SKAP1: variants seen among roughly 807,000 people sequenced by gnomAD.
The protein encoded by SKAP1 is src kinase-associated phosphoprotein 1.
SKAP1 carries 44 observed loss-of-function variants against 58.5 expected under a neutral mutation model. The observed-to-expected ratio is 0.75, with a 90% CI of 0.59 to 0.97. The LOEUF (loss-of-function observed/expected upper bound fraction) is 0.97. SKAP1 is among the 50% of genes least tolerant of loss of function. SKAP1 has a pLI of 0.00. For missense variants in SKAP1, 390 were observed against 435.2 expected (o/e 0.90, Z 0.92); for synonymous variants, 127 against 149.7 (o/e 0.85, Z 1.11).
chr17:48,378,241 AG>A (rs2067175126), intron 2 of SKAP1, among the ~76,000 whole-genome samples: 1 of 152,140 alleles, frequency 6.6e-6, no homozygotes, highest in African/African-American at 2.4e-5. Flanking sequence ...CTGATGAAAA[AG>A]GGAATGGAAT....
At chr17:48,210,457 C>T (rs951813393) in intron 4 of SKAP1, among the ~76,000 whole-genome samples, 37 of 152,262 alleles carry the variant, frequency 2.4e-4, no homozygotes, top group Admixed American at 1.2e-3. Context: ...AGGTCCTTAT[C>T]ATCCTGATGG....
chr17:48,324,310 T>G (rs542457473), intron 4 of SKAP1, among the ~76,000 whole-genome samples: 1 of 152,246 alleles, frequency 6.6e-6, no homozygotes, highest in South Asian at 2.1e-4. Context: ...CTGCATTCCA[T>G]CACATGGATG....
chr17:48,189,957 C>A (rs1466105743), intron 4 of SKAP1, among the ~76,000 whole-genome samples: 2 of 151,986 alleles, frequency 1.3e-5, no homozygotes, highest in Non-Finnish European at 2.9e-5. Context: ...GGATTACAGA[C>A]GTGAGCCACC....
At chr17:48,162,609 A>C (rs2064084620) in intron 10 of SKAP1, 40 bp from the exon 11 acceptor site, 4 of 1,524,432 alleles carry the variant, frequency 2.6e-6, no homozygotes, top group South Asian at 1.2e-5. Context: ...AAAGGACTCT[A>C]TTTTTTCCGA....
At chr17:48,288,801 T>C (rs2065865546) in intron 4 of SKAP1, among the ~76,000 whole-genome samples, 1 of 152,158 alleles carries the variant, frequency 6.6e-6, no homozygotes, top group Non-Finnish European at 1.5e-5. Flanking sequence ...GCAAGAGAAA[T>C]GCTGGGAAAT....
At chr17:48,221,046 A>C (rs1598439260) in intron 4 of SKAP1, among the ~76,000 whole-genome samples, 1 of 152,044 alleles carries the variant, frequency 6.6e-6, no homozygotes, top group Non-Finnish European at 1.5e-5. Flanking sequence ...AGGCAGGCGG[A>C]TAACGAGGTC....
chr17:48,265,927 CTCTTT>C (rs1299625732), intron 4 of SKAP1, among the ~76,000 whole-genome samples: 1 of 152,120 alleles, frequency 6.6e-6, no homozygotes, highest in African/African-American at 2.4e-5. Context: ...TTTTTAAAAC[CTCTTT>C]TCTTTAGTTT....
At chr17:48,155,396 G>C (rs1002781448) in intron 11 of SKAP1, among the ~76,000 whole-genome samples, 6 of 151,568 alleles carry the variant, frequency 4.0e-5, no homozygotes, top group African/African-American at 1.5e-4. Context: ...CCAAAGTGCT[G>C]GGTGAGCCAC....
chr17:48,237,919 A>ATT (rs34392180), intron 4 of SKAP1, among the ~76,000 whole-genome samples: 220 of 145,606 alleles, frequency 1.5e-3, no homozygotes, highest in African/African-American at 4.8e-3. Flanking sequence ...TTTGGTTCAG[A>ATT]TTTTTTTTTT....
Position 48,184,815 on chromosome 17 carries a change from C to T in SKAP1, c.475G>A (p.Gly159Ser), listed in dbSNP as rs774288550. The change falls in exon 7 of 13, where the codon GGC becomes AGC. Residue 159 changes from glycine (G) to serine (S), a missense_variant. Physicochemically the swap from Gly to Ser is moderately conservative, Grantham distance 56. Coordinates refer to ENST00000336915, the MANE Select transcript of SKAP1 (RefSeq NM_003726.4). ...KQPKGTFLIK[G>S]YGVRMAPHLR... ...TGGGGGGCCATCCGTACACCGTAGC[C>T]CTTAATGAGGAAGGTCCCTTTGGGC... The T allele has an allele frequency of 6.2e-7, 1 of 1,613,736 alleles. No individual in the cohort carries two copies.
rs534641313 is a variant in SKAP1, at chr17:48,232,349, A to G, written c.281-42849T>C. Among the ~76,000 whole-genome samples, 8 of 152,354 alleles carry G rather than the reference A, an allele frequency of 5.3e-5. No homozygotes were observed. The East Asian group carries it at 1.5e-3, about 29-fold the overall frequency. On this transcript the variant is annotated intron_variant, in intron 4 of 12. Coordinates refer to ENST00000336915, the MANE Select transcript of SKAP1 (RefSeq NM_003726.4). ...TTGTAACTGCTGATTGATTTCTATG[A>G]GTGCAAAGATACCACCAGGTGGGTA...
chr17:48,298,413 T>C (rs1030751394), intron 4 of SKAP1, among the ~76,000 whole-genome samples: 3 of 152,184 alleles, frequency 2.0e-5, no homozygotes, highest in African/African-American at 7.2e-5. Flanking sequence ...TCTAGAAAAG[T>C]AGATGATTGA....
At chr17:48,424,221 CTT>C (rs71366876) in intron 1 of SKAP1, among the ~76,000 whole-genome samples, 13 of 106,646 alleles carry the variant, frequency 1.2e-4, no homozygotes, top group South Asian at 3.1e-4. Flanking sequence ...TCTGGGACCT[CTT>C]TTTTTTTTTT....
chr17:48,196,794 C>T (rs1243465921), intron 4 of SKAP1: 1 of 152,234 alleles, frequency 6.6e-6, no homozygotes, highest in Admixed American at 6.5e-5. Flanking sequence ...CACTCGGTTA[C>T]TTTTAAATGT....
chr17:48,225,097 T>C (rs1295691383), intron 4 of SKAP1, among the ~76,000 whole-genome samples: 1 of 152,194 alleles, frequency 6.6e-6, no homozygotes, highest in African/African-American at 2.4e-5. Context: ...TAAAGTGAAA[T>C]AGAATTTGTA....
chr17:48,273,631 T>A (rs998350633), intron 4 of SKAP1, among the ~76,000 whole-genome samples: 2 of 152,082 alleles, frequency 1.3e-5, no homozygotes, highest in East Asian at 1.9e-4. Flanking sequence ...TTGACCAGGC[T>A]GTCTCGAACT....
At chr17:48,282,168 T>C (rs1054889261) in intron 4 of SKAP1, among the ~76,000 whole-genome samples, 5 of 152,238 alleles carry the variant, frequency 3.3e-5, no homozygotes, top group Admixed American at 2.6e-4. Context: ...TTCTGTTTCA[T>C]TTTATTAGAT....
At chr17:48,423,992 A>C (rs1208362598) in intron 1 of SKAP1, among the ~76,000 whole-genome samples, 1 of 152,022 alleles carries the variant, frequency 6.6e-6, no homozygotes, top group Non-Finnish European at 1.5e-5. Flanking sequence ...CTTGAAGGCA[A>C]AAAAAAACTC....
chr17:48,194,657 C>G (rs140482528), intron 4 of SKAP1, among the ~76,000 whole-genome samples: 1 of 152,344 alleles, frequency 6.6e-6, no homozygotes, highest in East Asian at 1.9e-4. Context: ...CTGGCTTGGT[C>G]TCTTGCTAAA....
Sources: gnomAD v4.1 joint callset for allele counts (sites outside exome capture counted in the v4.1 genomes callset) on GRCh38, gnomAD v4.1.1 for gene constraint, MANE v1.5 for transcripts, NCBI Gene and HGNC (gene_info 2026-07-23, HGNC 2026-07-21) for gene names.